PRKD3: variants seen among roughly 807,000 people sequenced by gnomAD.
PRKD3 encodes the protein serine/threonine-protein kinase D3.
In PRKD3, 47 loss-of-function variants were observed where a neutral mutation model predicts 99.2. The ratio of observed to expected loss-of-function variants is 0.47; its 90% CI spans 0.38 to 0.60. PRKD3 has a LOEUF of 0.60. Ranked by LOEUF, PRKD3 falls within the 20% of genes least tolerant of loss-of-function variation. The pLI, the probability that PRKD3 is intolerant of heterozygous loss-of-function variation, is 0.00. For synonymous variants in PRKD3, 392 were observed against 355.4 expected (o/e 1.10, Z -1.16); for missense variants, 1,019 against 1,088.4 (o/e 0.94, Z 0.90).
At chr2:37,312,011 A>C (rs1189495970) in intron 2 of PRKD3, among the ~76,000 whole-genome samples, 1 of 152,192 alleles carries the variant, frequency 6.6e-6, no homozygotes, top group African/African-American at 2.4e-5. Context: ...AAACATCCTG[A>C]TCCTTGTAAC....
chr2:37,278,669 T>A (rs902107843), intron 8 of PRKD3: 2 of 152,292 alleles, frequency 1.3e-5, no homozygotes, highest in African/African-American at 4.8e-5. Context: ...CCGGGCGCAG[T>A]GGCTCACGCC....
At chr2:37,303,581 A>G (rs6709930) in intron 2 of PRKD3, among the ~76,000 whole-genome samples, 35,403 of 151,654 alleles carry the variant, frequency 0.23, 4,651 homozygotes, top group East Asian at 0.37. Flanking sequence ...CACTCAAGGC[A>G]GCTAGCCAGA....
At chr2:37,293,634 C>G (rs986910820) in intron 2 of PRKD3, among the ~76,000 whole-genome samples, 1 of 152,194 alleles carries the variant, frequency 6.6e-6, no homozygotes, top group African/African-American at 2.4e-5. Context: ...ACATGCTGCT[C>G]TAAATATTTC....
intron 1 of PRKD3, among the ~76,000 whole-genome samples, chr2:37,322,127 T>C (rs1174906203): frequency 6.6e-6 from 1 of 152,210 alleles, no homozygotes; most frequent in Non-Finnish European, 1.5e-5. Flanking sequence ...AGTATTCTTT[T>C]ACCACGTAAA....
chr2:37,261,755 G>A (rs760728194), intron 14 of PRKD3, among the ~76,000 whole-genome samples: 6 of 152,114 alleles, frequency 3.9e-5, no homozygotes, highest in Non-Finnish European at 7.3e-5. Flanking sequence ...ACTCTAGCCT[G>A]GGCAACAAGA....
chr2:37,250,523 G>A lies in PRKD3; in HGVS notation c.*2654C>T, dbSNP rs903084325. 2.0e-5 allele frequency: 3 copies of A among 151,920 alleles called. No homozygotes were observed. The highest frequency in any genetic ancestry group is 4.4e-5 in the Non-Finnish European group (3 of 67,988). The allele number at this position is 151,920 out of a possible 1,614,324, so 9.4% of individuals were successfully genotyped here. A position where few individuals can be genotyped will look rare whatever the true frequency, so the allele number is the denominator to read the frequency against. ...CAAATTTAGTAGAAAATTATAAAAT[G>A]AGCTTTTTTTTATTTTTGGCAGGTT... is the stretch of plus-strand genomic sequence containing the variant. On this transcript the variant is annotated 3_prime_UTR_variant, in exon 19 of 19. Coordinates refer to ENST00000234179, the MANE Select transcript of PRKD3 (RefSeq NM_005813.6).
intron 2 of PRKD3, 83 bp downstream of exon 2, chr2:37,316,154 T>A: frequency 7.4e-7 from 1 of 1,356,654 alleles, no homozygotes; most frequent in Non-Finnish European, 1.0e-6. Flanking sequence ...GATCAGTATG[T>A]CTTAACTCAC....
intron 12 of PRKD3, among the ~76,000 whole-genome samples, chr2:37,271,469 A>G (rs1004538273): frequency 1.3e-5 from 2 of 152,176 alleles, no homozygotes; most frequent in Non-Finnish European, 2.9e-5. Context: ...TCTTGTCACA[A>G]CCACATAGCT....
rs1168960363 is a variant in PRKD3, at chr2:37,251,124, G to C, written c.*2053C>G. On this transcript the variant is annotated 3_prime_UTR_variant, in exon 19 of 19. Coordinates refer to ENST00000234179, the MANE Select transcript of PRKD3 (RefSeq NM_005813.6). Reference sequence around the variant, plus strand: ...TAGTGACTCAGAATTATTCCATTTTGTGTGTGTTGATATAAACAGACTTTG... The same window carrying C: ...TAGTGACTCAGAATTATTCCATTTTCTGTGTGTTGATATAAACAGACTTTG... 3 of 152,544 alleles carry C rather than the reference G, an allele frequency of 2.0e-5. No homozygotes were observed. Among genetic ancestry groups the C allele is most frequent in the Non-Finnish European group, 4.4e-5 (3 of 68,014 alleles). 9.4% of individuals were successfully genotyped at this position (152,544 alleles called of 1,614,324 possible). A position where few individuals can be genotyped will look rare whatever the true frequency, so the allele number is the denominator to read the frequency against.
At chr2:37,261,263 G>C (rs1014807232) in intron 14 of PRKD3, among the ~76,000 whole-genome samples, 7 of 152,024 alleles carry the variant, frequency 4.6e-5, no homozygotes, top group African/African-American at 1.7e-4. Flanking sequence ...GAGGCAGGTG[G>C]ATCATTTGAG....
chr2:37,270,067 A>G (rs573677471), intron 12 of PRKD3, among the ~76,000 whole-genome samples: 1 of 152,192 alleles, frequency 6.6e-6, no homozygotes, highest in African/African-American at 2.4e-5. Context: ...ATCTCTACTA[A>G]AAATACAAGA....
intron 8 of PRKD3, chr2:37,278,650 C>G (rs995675149): frequency 6.6e-6 from 1 of 152,098 alleles, no homozygotes; most frequent in Admixed American, 6.6e-5. Context: ...AAGAAACTAG[C>G]TAGGTTCACC....
chr2:37,269,431 C>A, intron 13 of PRKD3, 184 bp downstream of exon 13: 1 of 578,040 alleles, frequency 1.7e-6, no homozygotes. Context: ...TTAAAGTTTG[C>A]AATGACATTA....
intron 9 of PRKD3, among the ~76,000 whole-genome samples, chr2:37,276,876 A>G (rs1335555531): frequency 1.3e-5 from 2 of 151,474 alleles, no homozygotes; most frequent in African/African-American, 4.8e-5. Flanking sequence ...AAATGGCTAG[A>G]TGCTTGTCCC....
At chr2:37,299,734 T>G (rs141968829) in intron 2 of PRKD3, among the ~76,000 whole-genome samples, 23 of 152,004 alleles carry the variant, frequency 1.5e-4, no homozygotes, top group African/African-American at 5.3e-4. Flanking sequence ...AAGATCTAAA[T>G]AATACATTTC....
chr2:37,261,474 G>A (rs142408767), intron 14 of PRKD3, among the ~76,000 whole-genome samples: 3,432 of 145,070 alleles, frequency 0.024, 62 homozygotes, highest in South Asian at 0.043. Context: ...GAGACAGAGC[G>A]AGACTTTGTC....
chr2:37,289,326 C>T (rs1454996559), intron 5 of PRKD3, 30 bp downstream of exon 5: 1 of 1,606,746 alleles, frequency 6.2e-7, no homozygotes, highest in East Asian at 2.2e-5. Context: ...ATAACTACTA[C>T]TAAAATGTCT....
At chr2:37,308,746 C>T (rs1171468054) in intron 2 of PRKD3, among the ~76,000 whole-genome samples, 2 of 152,076 alleles carry the variant, frequency 1.3e-5, no homozygotes, top group African/African-American at 2.4e-5. Flanking sequence ...TGGGCCAACG[C>T]GCCCAGCTAG....
At chr2:37,269,338 C>G in intron 13 of PRKD3, 1 of 395,408 alleles carries the variant, frequency 2.5e-6, no homozygotes, top group Non-Finnish European at 4.8e-6. Context: ...ACCATCTCCC[C>G]CCCTGCCTCC....
Sources: gnomAD v4.1 joint callset for allele counts (sites outside exome capture counted in the v4.1 genomes callset) on GRCh38, gnomAD v4.1.1 for gene constraint, MANE v1.5 for transcripts, NCBI Gene and HGNC (gene_info 2026-07-23, HGNC 2026-07-21) for gene names.